TESK2: variants seen among roughly 807,000 people sequenced by gnomAD.
TESK2 encodes the protein dual specificity testis-specific protein kinase 2.
TESK2 carries 39 observed loss-of-function variants against 57.1 expected under a neutral mutation model. The observed-to-expected ratio is 0.68, with a 90% CI of 0.53 to 0.89. The LOEUF (loss-of-function observed/expected upper bound fraction) is 0.89, where lower values mean the gene tolerates loss of function less well. Ranked by LOEUF, TESK2 falls within the 40% of genes least tolerant of loss-of-function variation. The pLI is 0.00. For missense variants in TESK2, 646 were observed against 732.1 expected (o/e 0.88, Z 1.36); for synonymous variants, 249 against 267.9 (o/e 0.93, Z 0.69).
chr1:45,423,919 A>G (rs1331598777), intron 2 of TESK2, among the ~76,000 whole-genome samples: 1 of 152,230 alleles, frequency 6.6e-6, no homozygotes, highest in Non-Finnish European at 1.5e-5. Flanking sequence ...AAATAAGACC[A>G]CCAGACAAAA....
At chr1:45,475,079 A>G (rs1009345805) in intron 1 of TESK2, among the ~76,000 whole-genome samples, 6 of 143,962 alleles carry the variant, frequency 4.2e-5, no homozygotes, top group Admixed American at 1.4e-4. Context: ...AAAAAAAAAA[A>G]AAAGAAAAGA....
chr1:45,346,627 A>T, intron 9 of TESK2, 66 bp downstream of exon 9: 1 of 1,377,314 alleles, frequency 7.3e-7, no homozygotes, highest in Non-Finnish European at 1.0e-6. Flanking sequence ...CTCTCTGTAC[A>T]GTCCTAACCA....
intron 3 of TESK2, among the ~76,000 whole-genome samples, chr1:45,409,306 C>T (rs1255903903): frequency 2.0e-5 from 3 of 152,050 alleles, no homozygotes; most frequent in Non-Finnish European, 4.4e-5. Context: ...GCTATCTCAG[C>T]AGAAATATAT....
At position 45,345,864 on chromosome 1, in the gene TESK2, T is replaced by G; in HGVS notation, c.997+13A>C. The G allele has an allele frequency of 6.2e-7, 1 of 1,607,616 alleles. No homozygotes were observed. Among genetic ancestry groups the G allele is most frequent in the Non-Finnish European group, 8.5e-7 (1 of 1,174,550 alleles). On this transcript the variant is annotated intron_variant, in intron 10 of 10. Transcript: ENST00000372086. ...CTTAGGGTTAGGTTGGGCTCCCTGG[T>G]CTAATCTCTTACCCCTGGCTGTGGG...
At position 45,345,113 on chromosome 1, in the gene TESK2, C is replaced by A; in HGVS notation, c.1443G>T (p.Gly481=). ...FVGREESLSD[G]PPPRLSSLKY... is the part of the protein sequence containing the mutation. ...TGAGACTACTTAGGCGTGGTGGGGGCCCATCAGATAGCGATTCTTCCCGGC... is the reference window on the plus strand; with the variant it reads ...TGAGACTACTTAGGCGTGGTGGGGGACCATCAGATAGCGATTCTTCCCGGC... Residue 481 remains glycine (G), a synonymous_variant, in exon 11 of 11, where the codon GGG becomes GGT. Transcript: ENST00000372086. The A allele has an allele frequency of 6.2e-7, 1 of 1,614,136 alleles. No individual in the cohort carries two copies. Among genetic ancestry groups the A allele is most frequent in the Non-Finnish European group, 8.5e-7 (1 of 1,180,034 alleles).
At chr1:45,412,848 T>C (rs1433309310) in intron 3 of TESK2, among the ~76,000 whole-genome samples, 1 of 151,910 alleles carries the variant, frequency 6.6e-6, no homozygotes, top group Non-Finnish European at 1.5e-5. Flanking sequence ...GTGAGAACTT[T>C]CTCTACAAAA....
chr1:45,434,376 T>C (rs1371862112), intron 2 of TESK2, among the ~76,000 whole-genome samples: 5 of 151,812 alleles, frequency 3.3e-5, no homozygotes, highest in Non-Finnish European at 7.4e-5. Context: ...CTCACTCTAG[T>C]GTCAATCTGG....
intron 4 of TESK2, among the ~76,000 whole-genome samples, chr1:45,373,006 C>T (rs1284536675): frequency 3.8e-5 from 4 of 104,156 alleles, no homozygotes; most frequent in Non-Finnish European, 7.2e-5. Context: ...CCAGCCTGGG[C>T]AACAAGAGCG....
chr1:45,345,399 T>C lies in TESK2; in HGVS notation c.1157A>G (p.Tyr386Cys), dbSNP rs1647126570. The C allele has an allele frequency of 6.2e-7, 1 of 1,614,038 alleles. No individual in the cohort carries two copies. The highest frequency in any genetic ancestry group is 8.5e-7 in the Non-Finnish European group (1 of 1,180,012). Residue 386 changes from tyrosine to cysteine, a missense_variant, in exon 11 of 11, where the codon TAC (tyrosine) becomes TGC (cysteine). Tyr to Cys is a radical substitution (Grantham distance 194). Transcript: ENST00000372086. Reference sequence around the variant, plus strand: ...GGCAGCACCATCTCGTGGCCGGTAGTATGGGTCCAAGACACTCACTGTACG... The same window carrying C: ...GGCAGCACCATCTCGTGGCCGGTAGCATGGGTCCAAGACACTCACTGTACG... ...PPRTVSVLDP[Y>C]YRPRDGAART...
chr1:45,474,686 T>C (rs1179971848), intron 1 of TESK2, among the ~76,000 whole-genome samples: 1 of 151,488 alleles, frequency 6.6e-6, no homozygotes, highest in African/African-American at 2.4e-5. Flanking sequence ...TTGGTCAGGC[T>C]AGTCTCGAAC....
chr1:45,394,798 C>A (rs1053722137), intron 3 of TESK2, among the ~76,000 whole-genome samples: 3 of 140,978 alleles, frequency 2.1e-5, no homozygotes, highest in Non-Finnish European at 4.5e-5. Flanking sequence ...TCAAGCGATT[C>A]TCCTGCCTCA....
At chr1:45,363,890 T>C (rs1011084505) in intron 4 of TESK2, among the ~76,000 whole-genome samples, 2 of 152,130 alleles carry the variant, frequency 1.3e-5, no homozygotes, top group African/African-American at 4.8e-5. Flanking sequence ...TTAATACACA[T>C]CTATAAAATG....
Position 45,416,855 on chromosome 1 carries a change from C to T in TESK2, c.344+4870G>A, listed in dbSNP as rs1490248065. Among the ~76,000 whole-genome samples the T allele has an allele frequency of 2.0e-5, 3 of 151,674 alleles. No individual in the cohort carries two copies. In the East Asian group the frequency reaches 5.8e-4, roughly 29 times the overall value. On this transcript the variant is annotated intron_variant, in intron 3 of 10. Transcript: ENST00000372086. The stretch of plus-strand genomic sequence containing the variant: ...AGGCTGGAGCGCAGTGGTGCGATCT[C>T]GGCTCACTGCAACCTCCGCCTCTCG...
At chr1:45,370,886 A>C (rs1415364257) in intron 4 of TESK2, among the ~76,000 whole-genome samples, 2 of 152,190 alleles carry the variant, frequency 1.3e-5, no homozygotes, top group East Asian at 3.8e-4. Context: ...GGGTTTTTTC[A>C]GGGAGAAACA....
Position 45,345,281 on chromosome 1 carries a change from A to C in TESK2, c.1275T>G (p.Ser425=). ...CTGGTGCATCCAGGTCAAATACCAGAGAGATGACAGACTTGCTGGGCAGGT... is the reference window on the plus strand; with the variant it reads ...CTGGTGCATCCAGGTCAAATACCAGCGAGATGACAGACTTGCTGGGCAGGT... ...FFDLPSKSVI[S]LVFDLDAPGP... The change falls in exon 11 of 11, where the codon TCT becomes TCG. Residue 425 remains serine (S), a synonymous_variant. Transcript: ENST00000372086. 1.2e-6 allele frequency: 2 copies of C among 1,614,176 alleles called. No individual in the cohort carries two copies. Among genetic ancestry groups the C allele is most frequent in the Non-Finnish European group, 1.7e-6 (2 of 1,180,020 alleles).
At chr1:45,372,316 G>A (rs998817052) in intron 4 of TESK2, among the ~76,000 whole-genome samples, 5 of 151,642 alleles carry the variant, frequency 3.3e-5, no homozygotes, top group Non-Finnish European at 5.9e-5. Context: ...AGTGGCTCAA[G>A]CCTGTAATCC....
chr1:45,355,215 G>C, intron 5 of TESK2, 88 bp downstream of exon 5: 1 of 1,422,892 alleles, frequency 7.0e-7, no homozygotes, highest in South Asian at 1.3e-5. Flanking sequence ...TATGTCCTCT[G>C]TGATTAAATG....
intron 3 of TESK2, among the ~76,000 whole-genome samples, chr1:45,420,963 G>A (rs1025586407): frequency 3.9e-5 from 6 of 152,160 alleles, no homozygotes; most frequent in Admixed American, 2.6e-4. Flanking sequence ...ATTCAGATAC[G>A]GATTATTAAA....
chr1:45,479,637 A>C (rs1653131531), intron 1 of TESK2, among the ~76,000 whole-genome samples: 1 of 151,750 alleles, frequency 6.6e-6, no homozygotes, highest in African/African-American at 2.4e-5. Context: ...ATTCAGAGGA[A>C]GAGAGAATAG....
Sources: gnomAD v4.1 joint callset for allele counts (sites outside exome capture counted in the v4.1 genomes callset) on GRCh38, gnomAD v4.1.1 for gene constraint, MANE v1.5 for transcripts, NCBI Gene and HGNC (gene_info 2026-07-23, HGNC 2026-07-21) for gene names.